The following C6orf118 variants were observed in gnomAD, a reference collection of about 807,000 sequenced individuals.
C6orf118 encodes chromosome 6 open reading frame 118, also known as uncharacterized protein C6orf118.
A neutral mutation model predicts 50.2 loss-of-function variants in C6orf118; 50 were observed. The observed-to-expected ratio is 1.00, with a 90% confidence interval of 0.79 to 1.26. The LOEUF (loss-of-function observed/expected upper bound fraction) is 1.26, where lower values mean the gene tolerates loss of function less well. Among genes scored for constraint, C6orf118 ranks in the 50% most tolerant of loss-of-function variants. The probability of loss-of-function intolerance (pLI) is 0.00; values close to 1 mark genes in which losing one functional copy is unlikely to be tolerated. For missense variants in C6orf118, 641 were observed against 578.7 expected, an observed-to-expected ratio of 1.11 and a Z score of -1.10; for synonymous variants, 239 against 230.9, an observed-to-expected ratio of 1.03 and a Z score of -0.32.
At chr6:165,287,980 C>T (rs1583004671) in intron 7 of C6orf118, among the ~76,000 whole-genome samples, 1 of 152,246 alleles carries the variant, frequency 6.6e-6, no homozygotes, top group East Asian at 1.9e-4. Flanking sequence ...AAACTATCAT[C>T]AGAGCAAACA....
At chr6:165,282,695 C>A (rs1582998266) in intron 7 of C6orf118, among the ~76,000 whole-genome samples, 2 of 140,326 alleles carry the variant, frequency 1.4e-5, no homozygotes, top group Admixed American at 7.5e-5. Context: ...AAATCTAGAA[C>A]CAGATACCAA....
In C6orf118 at chr6:165,302,315, G is replaced by T; in HGVS notation, c.26-19C>A. On this transcript the variant is annotated intron_variant, in intron 1 of 8. Transcript: ENST00000230301. The stretch of plus-strand genomic sequence containing the variant: ...AGGTACACTGGTCAGAAAAGAAAAG[G>T]AGGCTCTTAGGGATCGCTCTTAGTT... 1 of 1,604,248 alleles carries T rather than the reference G, an allele frequency of 6.2e-7. No homozygotes were observed. The highest frequency in any genetic ancestry group is 1.1e-5 in the South Asian group (1 of 90,820).
intron 5 of C6orf118, among the ~76,000 whole-genome samples, chr6:165,296,244 T>TTTTCTG: frequency 9.7e-6 from 1 of 103,564 alleles, no homozygotes. Flanking sequence ...GTTGTTTTCG[T>TTTTCTG]TTTTTGTTTT....
chr6:165,280,005 C>T lies in C6orf118; in HGVS notation c.*52G>A. ...TATGCATCTGCAAATATCCATGCTACATACATGGAAGTTAAGAATTTCCAC... is the reference window on the plus strand; with the variant it reads ...TATGCATCTGCAAATATCCATGCTATATACATGGAAGTTAAGAATTTCCAC... On this transcript the variant is annotated 3_prime_UTR_variant, in exon 9 of 9. Transcript: ENST00000230301. 5 of 1,538,908 alleles carry T rather than the reference C, an allele frequency of 3.2e-6. No homozygotes were observed. In the South Asian group the frequency reaches 5.9e-5, roughly 18 times the overall value.
At chr6:165,300,754 G>A (rs1393770992) in intron 2 of C6orf118, among the ~76,000 whole-genome samples, 2 of 151,754 alleles carry the variant, frequency 1.3e-5, no homozygotes, top group East Asian at 1.9e-4. Flanking sequence ...TTCACTCTCC[G>A]CCTCCACAGT....
intron 7 of C6orf118, among the ~76,000 whole-genome samples, chr6:165,285,952 C>CA (rs1048392108): frequency 6.7e-6 from 1 of 149,428 alleles, no homozygotes; most frequent in African/African-American, 2.5e-5. Context: ...AATAGAGACA[C>CA]AAAAAAACCT....
At chr6:165,297,866 G>T in intron 5 of C6orf118, 111 bp downstream of exon 5, 1 of 1,477,394 alleles carries the variant, frequency 6.8e-7, no homozygotes, top group Non-Finnish European at 9.3e-7. Flanking sequence ...AGCAAAAGTA[G>T]CATGTTTTCA....
intron 1 of C6orf118, 21 bp from the exon 2 acceptor site, chr6:165,302,317 G>A (rs1053326422): frequency 1.2e-6 from 2 of 1,602,664 alleles, no homozygotes; most frequent in African/African-American, 2.7e-5. Context: ...AAGAAAAGGA[G>A]GCTCTTAGGG....
chr6:165,308,427 C>T (rs1012466993), intron 1 of C6orf118, among the ~76,000 whole-genome samples: 7 of 152,200 alleles, frequency 4.6e-5, no homozygotes, highest in East Asian at 3.9e-4. Context: ...AGACAGGAGG[C>T]GACTTCCTAG....
At chr6:165,287,844 A>T (rs905827187) in intron 7 of C6orf118, among the ~76,000 whole-genome samples, 1 of 152,220 alleles carries the variant, frequency 6.6e-6, no homozygotes, top group Non-Finnish European at 1.5e-5. Flanking sequence ...AAGAAAATCT[A>T]AGCAATACCA....
intron 1 of C6orf118, among the ~76,000 whole-genome samples, chr6:165,309,354 C>G (rs374603171): frequency 3.1e-4 from 47 of 152,274 alleles, no homozygotes; most frequent in Non-Finnish European, 4.7e-4. Flanking sequence ...GCGCACCCCC[C>G]ACCTCTGTGC....
chr6:165,293,486 T>C lies in C6orf118; in HGVS notation c.1062-15A>G. On this transcript the variant is annotated splice_polypyrimidine_tract_variant and intron_variant, in intron 5 of 8. Coordinates refer to ENST00000230301, the MANE Select transcript of C6orf118 (RefSeq NM_144980.4). ...CACTTCTGAGTCTACAATGTGAGGA[T>C]AAACAATAGGGAAATATTAGATCCC... 1 of 1,607,292 alleles carries C rather than the reference T, an allele frequency of 6.2e-7. No individual in the cohort carries two copies. Among genetic ancestry groups the C allele is most frequent in the Non-Finnish European group, 8.5e-7 (1 of 1,174,828 alleles).
At chr6:165,281,480 C>G in intron 8 of C6orf118, 160 bp downstream of exon 8, 1 of 1,382,632 alleles carries the variant, frequency 7.2e-7, no homozygotes, top group Admixed American at 3.8e-5. Flanking sequence ...TCAATACTTA[C>G]TCCTGCCTCT....
In C6orf118 at chr6:165,301,568, C is replaced by T; in HGVS notation, c.753+1G>A. ...GACCACCGCAGGGCTGCCCTCCTCA[C>T]CTGCTGCAGCTTTCTCTCGTGGCCC... On this transcript the variant is annotated splice_donor_variant, in intron 2 of 8. Coordinates refer to ENST00000230301, the MANE Select transcript of C6orf118 (RefSeq NM_144980.4). LOFTEE classifies it high-confidence loss of function. The T allele has an allele frequency of 2.5e-6, 4 of 1,609,274 alleles. No individual in the cohort carries two copies. Among genetic ancestry groups the T allele is most frequent in the Non-Finnish European group, 2.5e-6 (3 of 1,177,726 alleles).
Position 165,279,784 on chromosome 6 carries a change from T to C in C6orf118, c.*273A>G. ...CTTATTCTTAGCAAATAATCAAAAGTATTTTCCAAAGTTGAACATTATTAA... is the reference window on the plus strand; with the variant it reads ...CTTATTCTTAGCAAATAATCAAAAGCATTTTCCAAAGTTGAACATTATTAA... On this transcript the variant is annotated 3_prime_UTR_variant, in exon 9 of 9. Transcript: ENST00000230301. 2 of 328,646 alleles carry C rather than the reference T, an allele frequency of 6.1e-6. No individual in the cohort carries two copies. 20.4% of individuals were successfully genotyped at this position (328,646 alleles called of 1,614,324 possible). A position where few individuals can be genotyped will look rare whatever the true frequency, so the allele number is the denominator to read the frequency against.
intron 8 of C6orf118, among the ~76,000 whole-genome samples, chr6:165,280,625 G>A (rs773048080): frequency 6.6e-6 from 1 of 152,176 alleles, no homozygotes; most frequent in Non-Finnish European, 1.5e-5. Flanking sequence ...TTGGCCCATG[G>A]TGCTGGCCAA....
rs1349657148 is a variant in C6orf118 at position 165,281,693 on chromosome 6, G to C, written c.1303C>G (p.His435Asp). The C allele has an allele frequency of 1.4e-6, 2 of 1,480,510 alleles. No homozygotes were observed. Among genetic ancestry groups the C allele is most frequent in the South Asian group, 2.6e-5 (2 of 75,924 alleles). 91.7% of individuals were successfully genotyped at this position (1,480,510 alleles called of 1,614,324 possible). A position where few individuals can be genotyped will look rare whatever the true frequency, so the allele number is the denominator to read the frequency against. Residue 435 changes from histidine to aspartate, a missense_variant and splice_region_variant, in exon 8 of 9, where the codon CAT (histidine) becomes GAT (aspartate). Coordinates refer to ENST00000230301, the MANE Select transcript of C6orf118 (RefSeq NM_144980.4). ...ITENRIKSIE[H>D]EAIQLETENM... ...TCTGTTTCCAATTGTATAGCTTCAT[G>C]CTGGAAGAGAAGTTGTTTTAAACAC... is the stretch of plus-strand genomic sequence containing the variant.
chr6:165,279,874 A>T lies in C6orf118; in HGVS notation c.*183T>A. 1 of 493,810 alleles carries T rather than the reference A, an allele frequency of 2.0e-6. No homozygotes were observed. Among genetic ancestry groups the T allele is most frequent in the Non-Finnish European group, 3.5e-6 (1 of 288,792 alleles). 30.6% of individuals were successfully genotyped at this position (493,810 alleles called of 1,614,324 possible). ...AATATGTATGCAACAGAAACTAATC[A>T]TGTGTACGCATGTGTGTATTTCAGT... On this transcript the variant is annotated 3_prime_UTR_variant, in exon 9 of 9. Transcript: ENST00000230301.
chr6:165,308,341 G>A (rs1393538098), intron 1 of C6orf118, among the ~76,000 whole-genome samples: 1 of 152,164 alleles, frequency 6.6e-6, no homozygotes, highest in East Asian at 1.9e-4. Context: ...GGGAGAGGTG[G>A]AAGAAAGGGG....
Sources: allele counts gnomAD v4.1 joint callset (sites outside exome capture counted in the v4.1 genomes callset), GRCh38; gene constraint gnomAD v4.1.1; transcripts MANE v1.5; gene names NCBI Gene and HGNC (gene_info 2026-07-23, HGNC 2026-07-21).